The following FBXO34 variants were observed in gnomAD, a reference collection of about 807,000 sequenced individuals.
The protein encoded by FBXO34 is F-box only protein 34.
A neutral mutation model predicts 24.5 loss-of-function variants in FBXO34; 12 were observed. The observed-to-expected ratio is 0.49, with a 90% confidence interval of 0.31 to 0.79. FBXO34 has a LOEUF of 0.79. Ranked by LOEUF, FBXO34 falls within the 30% of genes least tolerant of loss-of-function variation. The probability of loss-of-function intolerance (pLI) is 0.04; values close to 1 mark genes in which losing one functional copy is unlikely to be tolerated. For synonymous variants in FBXO34, 320 were observed against 311.9 expected, an observed-to-expected ratio of 1.03 and a Z score of -0.27; for missense variants, 823 against 857.7, an observed-to-expected ratio of 0.96 and a Z score of 0.51.
chr14:55,386,988 T>G, the FBXO34 span, among the ~76,000 whole-genome samples: 1 of 152,212 alleles, frequency 6.6e-6, no homozygotes, highest in Admixed American at 6.5e-5. Flanking sequence ...TAATCAACCC[T>G]TGATGGTCAA....
At chr14:55,320,059 T>TG (rs1321458858) in intron 1 of FBXO34, among the ~76,000 whole-genome samples, 1 of 151,432 alleles carries the variant, frequency 6.6e-6, no homozygotes, top group Non-Finnish European at 1.5e-5. Flanking sequence ...TCACCTTAAG[T>TG]GAAAAAAAAA....
the FBXO34 span, among the ~76,000 whole-genome samples, chr14:55,427,352 T>G: frequency 1.3e-5 from 2 of 152,132 alleles, no homozygotes; most frequent in Non-Finnish European, 2.9e-5. Flanking sequence ...AAAATAAGCA[T>G]ATCATAAAAG....
chr14:55,376,240 T>C, the FBXO34 span, among the ~76,000 whole-genome samples: 2 of 152,138 alleles, frequency 1.3e-5, no homozygotes, highest in Non-Finnish European at 2.9e-5. Flanking sequence ...CCAAGGCAAG[T>C]AAAGTGGTTG....
the FBXO34 span, among the ~76,000 whole-genome samples, chr14:55,402,926 AATATATATATAT>A: frequency 0.013 from 216 of 16,388 alleles, 3 homozygotes; most frequent in South Asian, 0.036. Context: ...AAAAAAAAAA[AATATATATATAT>A]ATATATATAT....
the FBXO34 span, among the ~76,000 whole-genome samples, chr14:55,406,972 T>G: frequency 6.6e-6 from 1 of 151,794 alleles, no homozygotes; most frequent in Non-Finnish European, 1.5e-5. Flanking sequence ...GTCTTTTTTT[T>G]TTTTTTTGAG....
the FBXO34 span, among the ~76,000 whole-genome samples, chr14:55,437,681 T>C: frequency 6.6e-6 from 1 of 152,256 alleles, no homozygotes; most frequent in African/African-American, 2.4e-5. Context: ...AGAACAGATA[T>C]ACTGTATTAT....
chr14:55,385,300 T>C, the FBXO34 span, among the ~76,000 whole-genome samples: 1 of 152,068 alleles, frequency 6.6e-6, no homozygotes. Context: ...TTTTTTTTTG[T>C]TTGTTTCTTT....
the FBXO34 span, among the ~76,000 whole-genome samples, chr14:55,428,239 T>C: frequency 6.8e-6 from 1 of 148,116 alleles, no homozygotes; most frequent in Non-Finnish European, 1.5e-5. Context: ...TGGCCATTCT[T>C]CTGCCTCAGC....
At chr14:55,390,672 C>T in the FBXO34 span, among the ~76,000 whole-genome samples, 12 of 152,142 alleles carry the variant, frequency 7.9e-5, no homozygotes, top group African/African-American at 4.8e-5. Flanking sequence ...CGCCTGGCGC[C>T]TAACTTTTTT....
At chr14:55,420,257 G>T in the FBXO34 span, among the ~76,000 whole-genome samples, 3 of 152,236 alleles carry the variant, frequency 2.0e-5, no homozygotes, top group Non-Finnish European at 1.5e-5. Flanking sequence ...TTTAAGTAGA[G>T]ACAGGGTCTT....
the FBXO34 span, among the ~76,000 whole-genome samples, chr14:55,396,612 G>C: frequency 6.6e-6 from 1 of 152,166 alleles, no homozygotes; most frequent in Non-Finnish European, 1.5e-5. Flanking sequence ...GGTTTGGGGA[G>C]ATGCCACAAA....
intron 1 of FBXO34, among the ~76,000 whole-genome samples, chr14:55,286,846 A>G (rs975640864): frequency 6.6e-6 from 1 of 151,370 alleles, no homozygotes; most frequent in Non-Finnish European, 1.5e-5. Flanking sequence ...CATATACGTA[A>G]TGAGATATCT....
At chr14:55,343,211 T>C (rs1464534165) in intron 1 of FBXO34, among the ~76,000 whole-genome samples, 1 of 151,852 alleles carries the variant, frequency 6.6e-6, no homozygotes, top group African/African-American at 2.4e-5. Context: ...AGAAGGGGCC[T>C]TTGTATACTA....
At chr14:55,440,677 C>A in the FBXO34 span, 1 of 1,061,802 alleles carries the variant, frequency 9.4e-7, no homozygotes, top group South Asian at 1.7e-5. Context: ...CGCTGGGAAG[C>A]GGAGATGGGC....
chr14:55,307,567 T>C (rs1882595184), intron 1 of FBXO34, among the ~76,000 whole-genome samples: 1 of 152,246 alleles, frequency 6.6e-6, no homozygotes, highest in Non-Finnish European at 1.5e-5. Context: ...CTTTACCTTG[T>C]AATTTCTTTA....
At chr14:55,307,050 C>T (rs925269497) in intron 1 of FBXO34, among the ~76,000 whole-genome samples, 9 of 152,198 alleles carry the variant, frequency 5.9e-5, no homozygotes, top group African/African-American at 2.2e-4. Flanking sequence ...TCACCCTTTG[C>T]TCTCATGAAA....
intron 1 of FBXO34, among the ~76,000 whole-genome samples, chr14:55,321,976 C>A (rs1440010453): frequency 6.6e-6 from 1 of 152,136 alleles, no homozygotes; most frequent in East Asian, 1.9e-4. Context: ...GAAATAGCTG[C>A]AAAAAAATCT....
the FBXO34 span, among the ~76,000 whole-genome samples, chr14:55,436,333 T>G: frequency 1.3e-5 from 2 of 152,194 alleles, no homozygotes; most frequent in Non-Finnish European, 2.9e-5. Context: ...AGAATGCATC[T>G]ATTAATCTTT....
intron 1 of FBXO34, among the ~76,000 whole-genome samples, chr14:55,344,190 C>A (rs1411701536): frequency 1.3e-5 from 2 of 152,122 alleles, no homozygotes; most frequent in Admixed American, 1.3e-4. Flanking sequence ...TTCTAGTCAC[C>A]CCTCCATCAT....
Sources: gnomAD v4.1 joint callset for allele counts (sites outside exome capture counted in the v4.1 genomes callset) on GRCh38, gnomAD v4.1.1 for gene constraint, MANE v1.5 for transcripts, NCBI Gene and HGNC (gene_info 2026-07-23, HGNC 2026-07-21) for gene names.